Variants in EPB41 observed in about 807,000 individuals in gnomAD.
EPB41 encodes the protein protein 4.1.
In EPB41, 65 loss-of-function variants were observed where a neutral mutation model predicts 108.0. The ratio of observed to expected loss-of-function variants is 0.60; its 90% CI spans 0.49 to 0.74. The LOEUF (loss-of-function observed/expected upper bound fraction) is 0.74. Ranked by LOEUF, EPB41 falls within the 30% of genes least tolerant of loss-of-function variation. The pLI is 0.00. For missense variants in EPB41, 875 were observed against 1,037.0 expected, an observed-to-expected ratio of 0.84 and a Z score of 2.15; for synonymous variants, 336 against 358.9, an observed-to-expected ratio of 0.94 and a Z score of 0.72.
chr1:29,064,413 T>C (rs1647007579), intron 15 of EPB41, among the ~76,000 whole-genome samples: 1 of 152,226 alleles, frequency 6.6e-6, no homozygotes, highest in African/African-American at 2.4e-5. Flanking sequence ...AGGGCTATTC[T>C]TGTTTTTTAA....
chr1:29,060,179 G>A (rs534589192), intron 14 of EPB41, among the ~76,000 whole-genome samples: 2 of 152,224 alleles, frequency 1.3e-5, no homozygotes, highest in South Asian at 4.2e-4. Flanking sequence ...ATGAAGCCAG[G>A]AGCACTGTCT....
chr1:28,942,354 T>C (rs992502006), intron 1 of EPB41, among the ~76,000 whole-genome samples: 2 of 152,234 alleles, frequency 1.3e-5, no homozygotes, highest in Admixed American at 1.3e-4. Flanking sequence ...TTGTGACCTG[T>C]GCTTCTGACC....
chr1:29,087,540 A>G (rs1009580519), intron 16 of EPB41, among the ~76,000 whole-genome samples: 9 of 151,544 alleles, frequency 5.9e-5, no homozygotes, highest in African/African-American at 1.9e-4. Flanking sequence ...TTTTGTATTT[A>G]TATTAGAGAC....
chr1:29,018,329 G>T lies in EPB41; in HGVS notation c.1011G>T (p.Leu337=), dbSNP rs775168998. 8.7e-6 allele frequency: 14 copies of T among 1,613,996 alleles called. No homozygotes were observed. In the African/African-American group the frequency reaches 1.7e-4, roughly 20 times the overall value. The change falls in exon 7 of 21, where the codon CTG becomes CTT. Residue 337 remains leucine (L), a synonymous_variant. Coordinates refer to ENST00000343067, the MANE Select transcript of EPB41 (RefSeq NM_001376013.1). The surrounding 1 kb of genome is among the most constrained non-coding windows in gnomAD (Gnocchi z 4.4). The part of the protein sequence containing the change: ...LLGSYTIQSE[L]GDYDPELHGV... ...GTTCTTACACCATCCAGTCTGAACT[G>T]GGAGACTACGACCCAGAACTCCATG...
intron 16 of EPB41, among the ~76,000 whole-genome samples, chr1:29,095,607 C>G (rs1445396582): frequency 6.6e-6 from 1 of 151,904 alleles, no homozygotes; most frequent in Non-Finnish European, 1.5e-5. Flanking sequence ...CCTGTTTCTC[C>G]AAAACATGTA....
At chr1:29,067,076 C>T (rs114185807) in intron 16 of EPB41, among the ~76,000 whole-genome samples, 2,843 of 150,846 alleles carry the variant, frequency 0.019, 48 homozygotes, top group Middle Eastern at 0.095. Context: ...GTTCACAGGC[C>T]GGGCTTGGTG....
At chr1:29,032,287 A>ACTC (rs2096800485) in intron 8 of EPB41, among the ~76,000 whole-genome samples, 1 of 152,124 alleles carries the variant, frequency 6.6e-6, no homozygotes, top group Non-Finnish European at 1.5e-5. Context: ...GTATTGATGG[A>ACTC]GTCAGGCAGC....
At chr1:29,112,508 T>C (rs987709770) in intron 19 of EPB41, 60 bp downstream of exon 19, 1 of 1,362,104 alleles carries the variant, frequency 7.3e-7, no homozygotes, top group African/African-American at 1.4e-5. Context: ...GACCGATGAA[T>C]ACAGGAGTTT....
At chr1:29,094,700 T>G (rs573135255) in intron 16 of EPB41, among the ~76,000 whole-genome samples, 1 of 152,356 alleles carries the variant, frequency 6.6e-6, no homozygotes, top group South Asian at 2.1e-4. Flanking sequence ...ACTAATTCAT[T>G]TCCTACTAGT....
rs1486622314 is a variant in EPB41, at chr1:29,115,155, G to T, written c.2497-544G>T. On this transcript the variant is annotated intron_variant, in intron 19 of 20. Transcript: ENST00000343067. The surrounding 1 kb of genome is among the most constrained non-coding windows in gnomAD (Gnocchi z 4.4). ...CACCTGTCATCCCAGCACTTTGGGA[G>T]GCCAAGCCAGGTGGATCATTTGAGG... 6.6e-6 allele frequency among the ~76,000 whole-genome samples: 1 copy of T among 152,204 alleles called. No homozygotes were observed. Among genetic ancestry groups the T allele is most frequent in the African/African-American group, 2.4e-5 (1 of 41,444 alleles).
At chr1:29,047,995 G>A (rs1643815401) in intron 11 of EPB41, among the ~76,000 whole-genome samples, 1 of 151,722 alleles carries the variant, frequency 6.6e-6, no homozygotes, top group Non-Finnish European at 1.5e-5. Flanking sequence ...TGTTGGTCAG[G>A]CTGGTCTCTA....
intron 1 of EPB41, among the ~76,000 whole-genome samples, chr1:28,916,595 C>T (rs1411230212): frequency 6.6e-6 from 1 of 152,120 alleles, no homozygotes; most frequent in Non-Finnish European, 1.5e-5. Context: ...CGAGATTGCA[C>T]CACTGCACTT....
chr1:29,063,508 C>A (rs115399203), intron 15 of EPB41, among the ~76,000 whole-genome samples: 1 of 152,154 alleles, frequency 6.6e-6, no homozygotes, highest in Non-Finnish European at 1.5e-5. Flanking sequence ...TCTTCTTATG[C>A]TGTTTTCCCT....
rs1291339639 is a variant in EPB41, at chr1:29,118,371, C to G, written c.*1559C>G. On this transcript the variant is annotated 3_prime_UTR_variant, in exon 21 of 21. Transcript: ENST00000343067. ...CCACCCACCTTGGCCTCCCAAAGTG[C>G]TGGGATTACAGGTGTGAGCCACCAC... 2 of 152,328 alleles carry G rather than the reference C, an allele frequency of 1.3e-5. No homozygotes were observed. Among genetic ancestry groups the G allele is most frequent in the South Asian group, 2.1e-4 (1 of 4,816 alleles). 9.4% of individuals were successfully genotyped at this position (152,328 alleles called of 1,614,324 possible).
chr1:29,109,973 A>G (rs570889930), intron 18 of EPB41, among the ~76,000 whole-genome samples: 2 of 152,174 alleles, frequency 1.3e-5, no homozygotes, highest in Admixed American at 1.3e-4. Context: ...AGCAGAGATT[A>G]CAGTGAGCAG....
At chr1:28,963,383 CTG>C (rs796530842) in intron 1 of EPB41, among the ~76,000 whole-genome samples, 18 of 105,858 alleles carry the variant, frequency 1.7e-4, no homozygotes, top group African/African-American at 5.7e-4. Flanking sequence ...GTGTGTGTGT[CTG>C]TGTGTGATTT....
intron 1 of EPB41, among the ~76,000 whole-genome samples, chr1:28,928,803 G>T (rs941334737): frequency 6.6e-5 from 10 of 152,220 alleles, no homozygotes; most frequent in African/African-American, 2.2e-4. Flanking sequence ...GTTAAAGGGG[G>T]TGTCCTTTGT....
chr1:28,896,241 T>C (rs2090647509), intron 1 of EPB41, among the ~76,000 whole-genome samples: 1 of 152,254 alleles, frequency 6.6e-6, no homozygotes, highest in South Asian at 2.1e-4. Flanking sequence ...ATTGTTATTA[T>C]TATAATTATG....
chr1:29,116,150 CTTTTTT>C (rs537469371), intron 20 of EPB41, among the ~76,000 whole-genome samples: 5 of 113,772 alleles, frequency 4.4e-5, no homozygotes, highest in African/African-American at 1.4e-4. Flanking sequence ...ACAGGTCTCT[CTTTTTT>C]TTTTTTTTTT....
Sources: gnomAD v4.1 joint callset for allele counts (sites outside exome capture counted in the v4.1 genomes callset) on GRCh38, gnomAD v4.1.1 for gene constraint, Gnocchi (gnomAD v3.1) non-coding constraint, MANE v1.5 for transcripts, NCBI Gene and HGNC (gene_info 2026-07-23, HGNC 2026-07-21) for gene names.